Variants in COPS8 observed in about 807,000 individuals in gnomAD.
The protein encoded by COPS8 is COP9 signalosome subunit 8, also known as COP9 signalosome complex subunit 8.
A neutral mutation model predicts 31.5 loss-of-function variants in COPS8; 11 were observed. The ratio of observed to expected loss-of-function variants is 0.35; its 90% confidence interval spans 0.22 to 0.58. COPS8 has a LOEUF of 0.58. COPS8 is among the 20% of genes least tolerant of loss of function. The probability of loss-of-function intolerance (pLI) is 0.83; values close to 1 mark genes in which losing one functional copy is unlikely to be tolerated. For synonymous variants in COPS8, 81 were observed against 89.3 expected, an observed-to-expected ratio of 0.91 and a Z score of 0.52; for missense variants, 215 against 255.1, an observed-to-expected ratio of 0.84 and a Z score of 1.07.
chr2:237,090,771 C>T (rs529337174), intron 4 of COPS8, among the ~76,000 whole-genome samples: 1 of 152,254 alleles, frequency 6.6e-6, no homozygotes, highest in South Asian at 2.1e-4. Flanking sequence ...ACATAATTCC[C>T]TTGGAATGGT....
chr2:237,092,797 G>A (rs1258611561), intron 4 of COPS8, among the ~76,000 whole-genome samples: 1 of 152,126 alleles, frequency 6.6e-6, no homozygotes, highest in Admixed American at 6.5e-5. Flanking sequence ...TGGGAGTGTC[G>A]GCAGTTTTTA....
chr2:237,094,760 T>A (rs1423085104), intron 5 of COPS8, among the ~76,000 whole-genome samples: 1 of 151,742 alleles, frequency 6.6e-6, no homozygotes, highest in Non-Finnish European at 1.5e-5. Flanking sequence ...AGGTCAGGAG[T>A]TCGAGACCAG....
At chr2:237,089,423 G>C (rs1045218660) in intron 3 of COPS8, among the ~76,000 whole-genome samples, 15 of 152,108 alleles carry the variant, frequency 9.9e-5, no homozygotes, top group Non-Finnish European at 1.9e-4. Context: ...TCAATCCTTA[G>C]AGAGGCTACA....
intron 1 of COPS8, 97 bp downstream of exon 1, chr2:237,086,139 T>C: frequency 8.5e-7 from 1 of 1,180,356 alleles, no homozygotes; most frequent in Non-Finnish European, 1.2e-6. Context: ...GCTAGCGGGC[T>C]TTGGGAGCTC....
chr2:237,086,353 A>G (rs897544623), intron 1 of COPS8, among the ~76,000 whole-genome samples: 57 of 152,064 alleles, frequency 3.7e-4, no homozygotes, highest in African/African-American at 1.4e-3. Flanking sequence ...TCGGGTTGGG[A>G]GAGGGTAGTA....
At chr2:237,090,069 A>G (rs1383179477) in intron 4 of COPS8, 75 bp downstream of exon 4, 5 of 1,462,392 alleles carry the variant, frequency 3.4e-6, no homozygotes, top group Non-Finnish European at 4.7e-6. Flanking sequence ...GAAGTAATAA[A>G]TCAGTGGTGT....
intron 4 of COPS8, 83 bp from the exon 5 acceptor site, chr2:237,094,007 A>T: frequency 6.5e-7 from 1 of 1,537,566 alleles, no homozygotes; most frequent in Non-Finnish European, 8.8e-7. Flanking sequence ...AAACTAGACA[A>T]GGACAGTGGT....
At chr2:237,088,722 A>G (rs1696659849) in intron 3 of COPS8, 69 bp downstream of exon 3, 3 of 1,003,764 alleles carry the variant, frequency 3.0e-6, no homozygotes, top group Admixed American at 4.7e-5. Context: ...AACCTTTTAT[A>G]AGCTTATGTT....
In COPS8 at chr2:237,085,936, A is replaced by G. The variant is rs770433761; in HGVS notation, c.-29A>G. ...GACAGTCTGGGGTTTGGCTGTCCGGACGGTGCAGCGGCGAGGCCGGCCGCG... is the reference window on the plus strand; with the variant it reads ...GACAGTCTGGGGTTTGGCTGTCCGGGCGGTGCAGCGGCGAGGCCGGCCGCG... On this transcript the variant is annotated 5_prime_UTR_variant, in exon 1 of 8. Transcript: ENST00000354371. The G allele has an allele frequency of 3.1e-6, 5 of 1,606,428 alleles. No homozygotes were observed. Among genetic ancestry groups the G allele is most frequent in the Non-Finnish European group, 4.3e-6 (5 of 1,175,888 alleles).
At chr2:237,092,748 A>G (rs1338034929) in intron 4 of COPS8, among the ~76,000 whole-genome samples, 1 of 152,186 alleles carries the variant, frequency 6.6e-6, no homozygotes, top group Non-Finnish European at 1.5e-5. Flanking sequence ...GGCTGAGTGA[A>G]AGCTGGAGAG....
At position 237,098,853 on chromosome 2, in the gene COPS8, T is replaced by C. The variant is rs1210453699; in HGVS notation, c.*1111T>C. ...ATAATTTATTTATTTTGAATGCATT[T>C]TAGTGGCTATTTCAGTTTTTCTTAA... On this transcript the variant is annotated 3_prime_UTR_variant, in exon 8 of 8. Coordinates refer to ENST00000354371, the MANE Select transcript of COPS8 (RefSeq NM_006710.5). 1.3e-5 allele frequency: 2 copies of C among 152,182 alleles called. No individual in the cohort carries two copies. Among genetic ancestry groups the C allele is most frequent in the South Asian group, 2.1e-4 (1 of 4,824 alleles). 9.4% of individuals were successfully genotyped at this position (152,182 alleles called of 1,614,324 possible). A position where few individuals can be genotyped will look rare whatever the true frequency, so the allele number is the denominator to read the frequency against.
At chr2:237,092,653 A>G (rs781213772) in intron 4 of COPS8, among the ~76,000 whole-genome samples, 3 of 152,192 alleles carry the variant, frequency 2.0e-5, no homozygotes, top group Non-Finnish European at 2.9e-5. Flanking sequence ...TTGGTATTGC[A>G]AAGTCTGTTA....
intron 3 of COPS8, among the ~76,000 whole-genome samples, chr2:237,089,305 C>T (rs72973999): frequency 0.092 from 13,880 of 151,644 alleles, 937 homozygotes; most frequent in African/African-American, 0.19. Context: ...TTTTTTCCCT[C>T]ATACATTCTG....
Position 237,086,797 on chromosome 2 carries a change from GT to G in COPS8, c.79-329del, listed in dbSNP as rs142965046. Reference sequence around the variant, plus strand: ...TCTGTCGAATTTGTTTCTTATAATAGTAAGATCATTTAAATGGGAATTTGAG... The same window carrying G: ...TCTGTCGAATTTGTTTCTTATAATAGAAGATCATTTAAATGGGAATTTGAG... On this transcript the variant is annotated intron_variant, in intron 1 of 7. Coordinates refer to ENST00000354371, the MANE Select transcript of COPS8 (RefSeq NM_006710.5). 384 of 903,758 alleles carry G rather than the reference GT, an allele frequency of 4.2e-4. 5 individuals carry two copies. In the East Asian group the frequency reaches 0.031, roughly 73 times the overall value. The allele number at this position is 903,758 out of a possible 1,614,324, so 56.0% of individuals were successfully genotyped here.
At chr2:237,093,496 A>C (rs1696742801) in intron 4 of COPS8, among the ~76,000 whole-genome samples, 1 of 152,168 alleles carries the variant, frequency 6.6e-6, no homozygotes, top group Non-Finnish European at 1.5e-5. Context: ...GGACAATCCT[A>C]AATGCCACTT....
At chr2:237,092,884 T>C (rs1033166470) in intron 4 of COPS8, among the ~76,000 whole-genome samples, 5 of 152,168 alleles carry the variant, frequency 3.3e-5, no homozygotes, top group African/African-American at 1.2e-4. Flanking sequence ...AACAAGCATG[T>C]ATTTGGCATA....
chr2:237,093,299 T>C (rs1048709746), intron 4 of COPS8, among the ~76,000 whole-genome samples: 1 of 152,224 alleles, frequency 6.6e-6, no homozygotes, highest in Admixed American at 6.5e-5. Flanking sequence ...GTGTTTGTTT[T>C]ACATATGTAC....
intron 2 of COPS8, chr2:237,087,477 C>G (rs1409650260): frequency 2.3e-6 from 1 of 434,044 alleles, no homozygotes; most frequent in Admixed American, 3.9e-5. Flanking sequence ...CTTTTATGAC[C>G]TCTATTTACT....
chr2:237,093,995 G>A (rs977981680), intron 4 of COPS8, 95 bp from the exon 5 acceptor site: 45 of 1,511,792 alleles, frequency 3.0e-5, no homozygotes, highest in Non-Finnish European at 3.9e-5. Context: ...CCTTGCTTAT[G>A]AAAACTAGAC....
Sources: allele counts gnomAD v4.1 joint callset (sites outside exome capture counted in the v4.1 genomes callset), GRCh38; gene constraint gnomAD v4.1.1; transcripts MANE v1.5; gene names NCBI Gene and HGNC (gene_info 2026-07-23, HGNC 2026-07-21).